The following ACVR1C variants were observed in gnomAD, a reference collection of about 807,000 sequenced individuals.
ACVR1C encodes the protein activin receptor type-1C.
ACVR1C carries 23 observed loss-of-function variants against 57.9 expected under a neutral mutation model. The ratio of observed to expected loss-of-function variants is 0.40; its 90% CI spans 0.29 to 0.56. The LOEUF (loss-of-function observed/expected upper bound fraction) is 0.56, where lower values mean the gene tolerates loss of function less well. Ranked by LOEUF, ACVR1C falls within the 20% of genes least tolerant of loss-of-function variation. The pLI is 0.50. For synonymous variants in ACVR1C, 214 were observed against 215.3 expected (o/e 0.99, Z 0.05); for missense variants, 480 against 607.9 (o/e 0.79, Z 2.21).
chr2:157,592,303 T>C (rs1211463245), intron 1 of ACVR1C, among the ~76,000 whole-genome samples: 3 of 152,090 alleles, frequency 2.0e-5, no homozygotes, highest in East Asian at 1.9e-4. Flanking sequence ...GATTACATAA[T>C]AGTTCTTACC....
At chr2:157,615,318 CAA>C (rs1245866633) in intron 1 of ACVR1C, among the ~76,000 whole-genome samples, 26 of 99,566 alleles carry the variant, frequency 2.6e-4, no homozygotes, top group African/African-American at 6.1e-4. Flanking sequence ...AACAATAATA[CAA>C]AAAAAAAAAA....
At position 157,532,924 on chromosome 2, in the gene ACVR1C, A is replaced by G. The variant is rs550243529; in HGVS notation, c.*994T>C. ...TTAAAGACATTTTCAGACAATGAATATTTATGTTTGATTAATCTTTGGAAG... is the reference window on the plus strand; with the variant it reads ...TTAAAGACATTTTCAGACAATGAATGTTTATGTTTGATTAATCTTTGGAAG... On this transcript the variant is annotated 3_prime_UTR_variant, in exon 9 of 9. Coordinates refer to ENST00000243349, the MANE Select transcript of ACVR1C (RefSeq NM_145259.3). 1 of 152,290 alleles carries G rather than the reference A, an allele frequency of 6.6e-6. No homozygotes were observed. The highest frequency in any genetic ancestry group is 2.1e-4 in the South Asian group (1 of 4,826). 9.4% of individuals were successfully genotyped at this position (152,290 alleles called of 1,614,324 possible). A position where few individuals can be genotyped will look rare whatever the true frequency, so the allele number is the denominator to read the frequency against.
chr2:157,528,208 C>G lies in ACVR1C; in HGVS notation c.*5710G>C, dbSNP rs1307437223. ...GTTGGATTTTAGCCCGCACCTGCCC[C>G]TCAGCTGGGAAGATTTATATAGAGC... On this transcript the variant is annotated 3_prime_UTR_variant, in exon 9 of 9. Transcript: ENST00000243349. 1.3e-5 allele frequency: 2 copies of G among 152,136 alleles called. No individual in the cohort carries two copies. Among genetic ancestry groups the G allele is most frequent in the East Asian group, 3.8e-4 (2 of 5,198 alleles). 9.4% of individuals were successfully genotyped at this position (152,136 alleles called of 1,614,324 possible).
rs2105191889 is a variant in ACVR1C, at chr2:157,527,793, T to C, written c.*6125A>G. ...TGGAAGAAATAGAAATATTAGTAAATGTCATTCTACGCTTGCATTTGTTAG... is the reference window on the plus strand; with the variant it reads ...TGGAAGAAATAGAAATATTAGTAAACGTCATTCTACGCTTGCATTTGTTAG... On this transcript the variant is annotated 3_prime_UTR_variant, in exon 9 of 9. Transcript: ENST00000243349. The C allele has an allele frequency of 6.6e-6, 1 of 152,314 alleles. No individual in the cohort carries two copies. Among genetic ancestry groups the C allele is most frequent in the East Asian group, 1.9e-4 (1 of 5,182 alleles). The allele number at this position is 152,314 out of a possible 1,614,324, so 9.4% of individuals were successfully genotyped here. A position where few individuals can be genotyped will look rare whatever the true frequency, so the allele number is the denominator to read the frequency against.
At position 157,532,219 on chromosome 2, in the gene ACVR1C, G is replaced by A. The variant is rs1251399656; in HGVS notation, c.*1699C>T. 2 of 151,930 alleles carry A rather than the reference G, an allele frequency of 1.3e-5. No homozygotes were observed. The highest frequency in any genetic ancestry group is 2.4e-5 in the African/African-American group (1 of 41,376). 9.4% of individuals were successfully genotyped at this position (151,930 alleles called of 1,614,324 possible). A position where few individuals can be genotyped will look rare whatever the true frequency, so the allele number is the denominator to read the frequency against. On this transcript the variant is annotated 3_prime_UTR_variant, in exon 9 of 9. Transcript: ENST00000243349. ...AATACAGAAGTATATCCTTCAGAAC[G>A]CTATTACCCAAGCTGTGCTTTGCTT...
chr2:157,574,767 T>A (rs1688603966), intron 2 of ACVR1C, among the ~76,000 whole-genome samples: 1 of 152,176 alleles, frequency 6.6e-6, no homozygotes, highest in Non-Finnish European at 1.5e-5. Context: ...GGGAAAGAGA[T>A]CTGAAGATGG....
chr2:157,581,037 C>G (rs1688777356), intron 2 of ACVR1C, among the ~76,000 whole-genome samples: 1 of 152,106 alleles, frequency 6.6e-6, no homozygotes, highest in Non-Finnish European at 1.5e-5. Context: ...AGAATTCACT[C>G]TATTACTTTG....
At chr2:157,573,194 C>T (rs1688564975) in intron 2 of ACVR1C, among the ~76,000 whole-genome samples, 1 of 151,934 alleles carries the variant, frequency 6.6e-6, no homozygotes, top group South Asian at 2.1e-4. Flanking sequence ...AAATGCAAAC[C>T]TTTGGTTTGG....
chr2:157,628,666 G>T lies in ACVR1C; in HGVS notation c.-22C>A. The T allele has an allele frequency of 6.5e-7, 1 of 1,546,612 alleles. No homozygotes were observed. The highest frequency in any genetic ancestry group is 8.7e-7 in the Non-Finnish European group (1 of 1,148,426). On this transcript the variant is annotated 5_prime_UTR_variant, in exon 1 of 9. Transcript: ENST00000243349. ...TCATCGCCACCAGGCGGCCGCGCCG[G>T]GGCTGCGAGGCCCCAGAGCAGAGCG...
chr2:157,589,411 G>A (rs1689011822), intron 1 of ACVR1C, among the ~76,000 whole-genome samples: 1 of 151,800 alleles, frequency 6.6e-6, no homozygotes, highest in African/African-American at 2.4e-5. Context: ...ATTCTCTTGA[G>A]TTCCTTGTAG....
Position 157,527,470 on chromosome 2 carries a change from A to T in ACVR1C, c.*6448T>A, listed in dbSNP as rs1687254804. On this transcript the variant is annotated 3_prime_UTR_variant, in exon 9 of 9. Transcript: ENST00000243349. ...TTTGTAATATGTTCTTAGGTATAAG[A>T]AGAGTCACGCTACCAAAAGAAAAGT... 6.6e-6 allele frequency: 1 copy of T among 152,200 alleles called. No homozygotes were observed. The highest frequency in any genetic ancestry group is 2.4e-5 in the African/African-American group (1 of 41,452). The allele number at this position is 152,200 out of a possible 1,614,324, so 9.4% of individuals were successfully genotyped here. A position where few individuals can be genotyped will look rare whatever the true frequency, so the allele number is the denominator to read the frequency against.
intron 2 of ACVR1C, among the ~76,000 whole-genome samples, chr2:157,576,497 C>T (rs996470475): frequency 6.6e-6 from 1 of 152,050 alleles, no homozygotes; most frequent in Non-Finnish European, 1.5e-5. Flanking sequence ...AGCCAATGTG[C>T]CCAGCCTGGA....
intron 2 of ACVR1C, among the ~76,000 whole-genome samples, chr2:157,584,571 A>T (rs553639786): frequency 6.4e-4 from 98 of 152,356 alleles, no homozygotes; most frequent in African/African-American, 2.2e-3. Flanking sequence ...AATGACTAAA[A>T]TTAAAAAGAC....
At chr2:157,583,927 AT>A (rs1294827509) in intron 2 of ACVR1C, among the ~76,000 whole-genome samples, 18 of 152,188 alleles carry the variant, frequency 1.2e-4, no homozygotes, top group Non-Finnish European at 7.3e-5. Flanking sequence ...GGAAGAAAAC[AT>A]AAAAACACAT....
intron 1 of ACVR1C, among the ~76,000 whole-genome samples, chr2:157,596,984 A>T (rs950092328): frequency 2.0e-5 from 3 of 152,102 alleles, no homozygotes; most frequent in Admixed American, 1.3e-4. Context: ...AGCACTACTG[A>T]ATCCGGCTGG....
At chr2:157,553,695 G>A (rs561842218) in intron 3 of ACVR1C, among the ~76,000 whole-genome samples, 2 of 152,210 alleles carry the variant, frequency 1.3e-5, no homozygotes, top group East Asian at 3.9e-4. Context: ...TTTTGGGGAT[G>A]GGGATTAAGC....
chr2:157,536,843 A>G (rs991982890), intron 8 of ACVR1C, among the ~76,000 whole-genome samples: 9 of 152,318 alleles, frequency 5.9e-5, no homozygotes, highest in Middle Eastern at 3.4e-3. Flanking sequence ...CAAAAAATGC[A>G]TATATCAGGA....
intron 1 of ACVR1C, among the ~76,000 whole-genome samples, chr2:157,599,250 C>CGT (rs1473099507): frequency 4.7e-5 from 6 of 128,382 alleles, no homozygotes; most frequent in Non-Finnish European, 9.3e-5. Flanking sequence ...AGGAGAATGG[C>CGT]GTGAACCCGA....
chr2:157,563,476 C>G (rs1393942927), intron 2 of ACVR1C, among the ~76,000 whole-genome samples: 1 of 152,142 alleles, frequency 6.6e-6, no homozygotes, highest in Non-Finnish European at 1.5e-5. Context: ...AGGACACAAA[C>G]GAATGTAAAA....
Sources: gnomAD v4.1 joint callset for allele counts (sites outside exome capture counted in the v4.1 genomes callset) on GRCh38, gnomAD v4.1.1 for gene constraint, MANE v1.5 for transcripts, NCBI Gene and HGNC (gene_info 2026-07-23, HGNC 2026-07-21) for gene names.